The following PDE10A variants were observed in gnomAD, a reference collection of about 807,000 sequenced individuals.
The protein encoded by PDE10A is phosphodiesterase 10A, also known as cAMP and cAMP-inhibited cGMP 3',5'-cyclic phosphodiesterase 10A.
Under a neutral mutation model 97.7 loss-of-function variants are expected in PDE10A, and 39 were observed. The ratio of observed to expected loss-of-function variants is 0.40; its 90% confidence interval spans 0.31 to 0.52. The LOEUF (loss-of-function observed/expected upper bound fraction) is 0.52, where lower values mean the gene tolerates loss of function less well. Among genes scored for constraint, PDE10A ranks in the 20% least tolerant of loss-of-function variants. The pLI, the probability that PDE10A is intolerant of heterozygous loss-of-function variation, is 0.56. For missense variants in PDE10A, 731 were observed against 1,047.8 expected (o/e 0.70, Z 4.17); for synonymous variants, 371 against 376.8 (o/e 0.98, Z 0.18).
At chr6:165,492,133 C>G (rs975412207) in intron 2 of PDE10A, among the ~76,000 whole-genome samples, 11 of 152,058 alleles carry the variant, frequency 7.2e-5, no homozygotes, top group Non-Finnish European at 1.3e-4. Flanking sequence ...TTCCTGGAAA[C>G]ATACAACCCT....
chr6:165,350,956 T>G (rs1782652522), intron 18 of PDE10A, among the ~76,000 whole-genome samples: 1 of 152,212 alleles, frequency 6.6e-6, no homozygotes, highest in Non-Finnish European at 1.5e-5. Flanking sequence ...AATTACTCAG[T>G]CTCGGCTATG....
At chr6:165,442,484 G>C (rs221754) in intron 5 of PDE10A, among the ~76,000 whole-genome samples, 2 of 151,982 alleles carry the variant, frequency 1.3e-5, no homozygotes, top group Non-Finnish European at 2.9e-5. Context: ...GAAGGGAAAC[G>C]GGAAGCAAGG....
intron 1 of PDE10A, among the ~76,000 whole-genome samples, chr6:165,892,410 G>T (rs1037724671): frequency 6.6e-6 from 1 of 152,232 alleles, no homozygotes; most frequent in African/African-American, 2.4e-5. Flanking sequence ...CCACAGCAGG[G>T]CTGCTCCGCC....
At chr6:165,962,920 A>G (rs1484067842) in intron 1 of PDE10A, among the ~76,000 whole-genome samples, 1 of 152,126 alleles carries the variant, frequency 6.6e-6, no homozygotes, top group Non-Finnish European at 1.5e-5. Flanking sequence ...CATACATTGA[A>G]CCTAGTTATT....
intron 1 of PDE10A, among the ~76,000 whole-genome samples, chr6:165,594,704 A>C (rs1054055644): frequency 2.0e-5 from 3 of 152,240 alleles, no homozygotes; most frequent in African/African-American, 7.2e-5. Context: ...ACAAGATCTC[A>C]AAGTATCGTT....
At chr6:165,469,635 T>G (rs1165969465) in intron 3 of PDE10A, among the ~76,000 whole-genome samples, 3 of 152,186 alleles carry the variant, frequency 2.0e-5, no homozygotes, top group African/African-American at 7.2e-5. Context: ...TGAGTGGTTT[T>G]CCATCTGGGT....
intron 1 of PDE10A, among the ~76,000 whole-genome samples, chr6:165,932,611 C>T (rs927300863): frequency 5.3e-5 from 8 of 152,198 alleles, no homozygotes; most frequent in African/African-American, 1.7e-4. Context: ...TCTGAAATTA[C>T]AGGCATGAGC....
chr6:165,780,608 T>A (rs1250567794), intron 1 of PDE10A: 1 of 152,254 alleles, frequency 6.6e-6, no homozygotes, highest in East Asian at 1.9e-4. Context: ...TTACCAAAGT[T>A]CACCCTGCAA....
chr6:165,546,643 T>G (rs914879417), intron 1 of PDE10A, among the ~76,000 whole-genome samples: 2 of 152,020 alleles, frequency 1.3e-5, no homozygotes, highest in African/African-American at 4.8e-5. Context: ...GTTGATAAAG[T>G]TGTTGTCCCA....
chr6:165,810,747 T>C (rs950810571), intron 1 of PDE10A, among the ~76,000 whole-genome samples: 2 of 152,154 alleles, frequency 1.3e-5, no homozygotes, highest in Non-Finnish European at 2.9e-5. Context: ...GGAAGTTCTC[T>C]TACCGTAAAC....
chr6:165,364,947 TTCAG>T (rs775829742), intron 18 of PDE10A, among the ~76,000 whole-genome samples: 9 of 152,048 alleles, frequency 5.9e-5, no homozygotes, highest in Non-Finnish European at 1.2e-4. Context: ...CAAGGTATAG[TTCAG>T]TCAATGCCCA....
chr6:165,719,531 G>C (rs907187684), intron 1 of PDE10A, among the ~76,000 whole-genome samples: 1 of 152,194 alleles, frequency 6.6e-6, no homozygotes, highest in African/African-American at 2.4e-5. Flanking sequence ...TTTCAATCTA[G>C]TCTTAACAAA....
At chr6:165,369,533 G>T (rs1583133905) in intron 18 of PDE10A, among the ~76,000 whole-genome samples, 2 of 145,384 alleles carry the variant, frequency 1.4e-5, no homozygotes, top group East Asian at 4.0e-4. Flanking sequence ...AGAGAAAAAA[G>T]AATAAAAAGG....
chr6:165,771,097 T>C (rs1466282315), intron 1 of PDE10A, among the ~76,000 whole-genome samples: 1 of 152,206 alleles, frequency 6.6e-6, no homozygotes, highest in Non-Finnish European at 1.5e-5. Context: ...GTTCATATTT[T>C]TATGTGTTGT....
At chr6:165,984,655 C>T (rs115220144) in intron 1 of PDE10A, among the ~76,000 whole-genome samples, 22 of 152,242 alleles carry the variant, frequency 1.4e-4, no homozygotes, top group African/African-American at 5.3e-4. Flanking sequence ...AGAAATACAA[C>T]CATACAAATA....
chr6:165,826,287 TGTCCCCATGTCC>T (rs1054549087), intron 1 of PDE10A, among the ~76,000 whole-genome samples: 83 of 91,798 alleles, frequency 9.0e-4, no homozygotes, highest in East Asian at 8.6e-3. Context: ...GATGTCCCTC[TGTCCCCATGTCC>T]GTCTTCATGT....
chr6:165,435,223 A>C lies in PDE10A; in HGVS notation c.1335+14T>G. ...TAGGTCAAAAGTGTCACAAAGAATC[A>C]AAAAGCCACTTACTCCAAGGATGTC... On this transcript the variant is annotated intron_variant, in intron 6 of 21. Coordinates refer to ENST00000539869, the MANE Select transcript of PDE10A (RefSeq NM_001385079.1). The C allele has an allele frequency of 1.2e-6, 2 of 1,603,158 alleles. No homozygotes were observed. Among genetic ancestry groups the C allele is most frequent in the Non-Finnish European group, 1.7e-6 (2 of 1,175,478 alleles).
intron 17 of PDE10A, among the ~76,000 whole-genome samples, chr6:165,384,019 C>A (rs1209360662): frequency 6.6e-6 from 1 of 152,082 alleles, no homozygotes; most frequent in African/African-American, 2.4e-5. Flanking sequence ...CTGGAACAGA[C>A]AGGGGCCACT....
chr6:165,367,124 A>C (rs2128197153), intron 18 of PDE10A, among the ~76,000 whole-genome samples: 1 of 152,264 alleles, frequency 6.6e-6, no homozygotes, highest in East Asian at 1.9e-4. Flanking sequence ...ATATATATTT[A>C]GAAAAGATAG....
Sources: allele counts gnomAD v4.1 joint callset (sites outside exome capture counted in the v4.1 genomes callset), GRCh38; gene constraint gnomAD v4.1.1; transcripts MANE v1.5; gene names NCBI Gene and HGNC (gene_info 2026-07-23, HGNC 2026-07-21).